The following CCDC30 variants were observed in gnomAD, a reference collection of about 807,000 sequenced individuals.
CCDC30 encodes coiled-coil domain-containing protein 30.
In CCDC30, 70 loss-of-function variants were observed where a neutral mutation model predicts 100.2. The ratio of observed to expected loss-of-function variants is 0.70; its 90% confidence interval spans 0.58 to 0.85. The LOEUF is 0.85. Ranked by LOEUF, CCDC30 falls within the 40% of genes least tolerant of loss-of-function variation. The probability of loss-of-function intolerance (pLI) is 0.00; values close to 1 mark genes in which losing one functional copy is unlikely to be tolerated. For missense variants in CCDC30, 652 were observed against 771.2 expected (o/e 0.85, Z 1.83); for synonymous variants, 233 against 269.5 (o/e 0.86, Z 1.33).
At chr1:42,574,639 TCA>T (rs1247371555) in intron 7 of CCDC30, among the ~76,000 whole-genome samples, 1 of 152,180 alleles carries the variant, frequency 6.6e-6, no homozygotes, top group African/African-American at 2.4e-5. Context: ...TACACATATT[TCA>T]CAGTTTAGAG....
At chr1:42,643,895 C>T (rs1318625690) in intron 13 of CCDC30, among the ~76,000 whole-genome samples, 1 of 152,136 alleles carries the variant, frequency 6.6e-6, no homozygotes, top group Non-Finnish European at 1.5e-5. Flanking sequence ...GATAACAGAA[C>T]CAGATGCAAG....
intron 1 of CCDC30, among the ~76,000 whole-genome samples, chr1:42,465,733 G>A (rs1440175310): frequency 3.3e-5 from 5 of 152,138 alleles, no homozygotes; most frequent in East Asian, 1.9e-4. Context: ...GGCAATGTAC[G>A]TAAGCATTTT....
chr1:42,524,066 A>G (rs1161482561), intron 6 of CCDC30, among the ~76,000 whole-genome samples: 1 of 148,698 alleles, frequency 6.7e-6, no homozygotes, highest in African/African-American at 2.5e-5. Context: ...GATCTGCCAT[A>G]TGGTCTTTTT....
chr1:42,541,725 T>C (rs1036575598), intron 6 of CCDC30, among the ~76,000 whole-genome samples: 26 of 152,238 alleles, frequency 1.7e-4, no homozygotes, highest in Non-Finnish European at 2.9e-4. Context: ...CATTAAAAGT[T>C]TCTGTTTTGA....
intron 11 of CCDC30, among the ~76,000 whole-genome samples, chr1:42,621,159 T>C (rs971571467): frequency 6.6e-6 from 1 of 152,192 alleles, no homozygotes; most frequent in Admixed American, 6.5e-5. Context: ...TTTTTAATTT[T>C]TATAGGTACA....
At chr1:42,505,539 G>T (rs925168932) in intron 6 of CCDC30, among the ~76,000 whole-genome samples, 1 of 152,132 alleles carries the variant, frequency 6.6e-6, no homozygotes, top group Admixed American at 6.5e-5. Flanking sequence ...GGACCATGTT[G>T]TTTGTAGAAT....
At chr1:42,460,008 A>G, upstream of CCDC30, 1 of 1,484,514 alleles carries the variant, frequency 6.7e-7, no homozygotes, top group Admixed American at 2.5e-5. Flanking sequence ...TGGCTTTCAT[A>G]TGGACAGATA....
intron 1 of CCDC30, among the ~76,000 whole-genome samples, chr1:42,465,576 C>T (rs1643549186): frequency 6.6e-6 from 1 of 152,094 alleles, no homozygotes. Context: ...GTTGGTCAGG[C>T]TGAGTCTTGA....
intron 1 of CCDC30, among the ~76,000 whole-genome samples, chr1:42,476,179 AG>A (rs1643879301): frequency 7.5e-6 from 1 of 133,118 alleles, no homozygotes; most frequent in Non-Finnish European, 1.7e-5. Flanking sequence ...CTTCTAGCAA[AG>A]GGAGGGCATC....
intron 4 of CCDC30, 57 bp downstream of exon 4, chr1:42,490,286 A>T: frequency 1.3e-6 from 1 of 795,650 alleles, no homozygotes; most frequent in Non-Finnish European, 1.7e-6. Context: ...ATGGTGGTAC[A>T]CGCCTGCAGT....
chr1:42,609,205 T>A (rs1206230519), intron 10 of CCDC30, among the ~76,000 whole-genome samples: 1 of 152,174 alleles, frequency 6.6e-6, no homozygotes, highest in African/African-American at 2.4e-5. Context: ...CTACTCAACA[T>A]GAAGACAATG....
At chr1:42,599,634 C>T (rs1049479500) in intron 10 of CCDC30, among the ~76,000 whole-genome samples, 2 of 152,084 alleles carry the variant, frequency 1.3e-5, no homozygotes, top group African/African-American at 4.8e-5. Flanking sequence ...CAAAGTTGAA[C>T]AAAACCCAAC....
At chr1:42,632,012 C>A (rs1474540525) in intron 11 of CCDC30, among the ~76,000 whole-genome samples, 1 of 152,158 alleles carries the variant, frequency 6.6e-6, no homozygotes, top group Non-Finnish European at 1.5e-5. Context: ...GACTAAGTCC[C>A]TTTTATTTTT....
intron 12 of CCDC30, among the ~76,000 whole-genome samples, chr1:42,641,786 C>G (rs956420075): frequency 6.6e-6 from 1 of 151,566 alleles, no homozygotes; most frequent in Non-Finnish European, 1.5e-5. Context: ...ACCTGAGAGG[C>G]AGAGGTTGTA....
At chr1:42,578,714 G>A (rs377333875) in intron 8 of CCDC30, among the ~76,000 whole-genome samples, 3 of 152,096 alleles carry the variant, frequency 2.0e-5, no homozygotes, top group Admixed American at 6.5e-5. Flanking sequence ...CTTCTACTAG[G>A]CATAAGAAAA....
chr1:42,506,228 T>C (rs1162899998), intron 6 of CCDC30, among the ~76,000 whole-genome samples: 1 of 152,250 alleles, frequency 6.6e-6, no homozygotes, highest in African/African-American at 2.4e-5. Context: ...AGACTTCTTT[T>C]AGTGTAGTTC....
At position 42,598,132 on chromosome 1, in the gene CCDC30, A is replaced by G. The variant is rs560757029; in HGVS notation, c.1164+8649A>G. ...GCAGGAACCATGATTGTGCCACTGC[A>G]TTCTGGCCTGTGAAATAAATACATA... On this transcript the variant is annotated intron_variant, in intron 10 of 16. Coordinates refer to ENST00000668663, the Ensembl canonical transcript of CCDC30. Among the ~76,000 whole-genome samples, 180 of 152,280 alleles carry G rather than the reference A, an allele frequency of 1.2e-3. 1 individual carries two copies. Among genetic ancestry groups the G allele is most frequent in the Non-Finnish European group, 2.1e-4 (14 of 68,020 alleles).
intron 2 of CCDC30, among the ~76,000 whole-genome samples, chr1:42,481,463 G>A (rs981954866): frequency 6.6e-6 from 1 of 151,572 alleles, no homozygotes; most frequent in Non-Finnish European, 1.5e-5. Flanking sequence ...TGTAATCCCA[G>A]CTACTAGGGA....
chr1:42,646,433 T>C, intron 15 of CCDC30, 116 bp downstream of exon 19: 12 of 1,239,302 alleles, frequency 9.7e-6, no homozygotes, highest in Non-Finnish European at 1.2e-5. Context: ...AAAACGGAGG[T>C]AGTCAAACAG....
Sources: gnomAD v4.1 joint callset for allele counts (sites outside exome capture counted in the v4.1 genomes callset) on GRCh38, gnomAD v4.1.1 for gene constraint, MANE v1.5 for transcripts, NCBI Gene and HGNC (gene_info 2026-07-23, HGNC 2026-07-21) for gene names.